Variants in OTOG observed in about 807,000 individuals in gnomAD.
OTOG encodes otogelin.
OTOG carries 296 observed loss-of-function variants against 313.8 expected under a neutral mutation model. That is an observed-to-expected ratio of 0.94 (90% CI 0.86 to 1.04). The LOEUF is 1.04. Among genes scored for constraint, OTOG ranks in the 50% least tolerant of loss-of-function variants. The probability of loss-of-function intolerance (pLI) is 0.00; values close to 1 mark genes in which losing one functional copy is unlikely to be tolerated. For missense variants in OTOG, 3,948 were observed against 3,840.1 expected, an observed-to-expected ratio of 1.03 and a Z score of -0.74; for synonymous variants, 1,533 against 1,554.9, an observed-to-expected ratio of 0.99 and a Z score of 0.33.
intron 24 of OTOG, among the ~76,000 whole-genome samples, chr11:17,586,833 C>G (rs1471892106): frequency 6.6e-6 from 1 of 152,112 alleles, no homozygotes; most frequent in South Asian, 2.1e-4. Context: ...TATTTGTAAC[C>G]ATGGCAATTT....
intron 42 of OTOG, among the ~76,000 whole-genome samples, 193 bp downstream of exon 42, chr11:17,632,419 TACATTTTATACTAATGAAC>T: frequency 6.6e-6 from 1 of 152,228 alleles, no homozygotes; most frequent in East Asian, 1.9e-4. Context: ...TATATAAAAG[TACATTTTATACTAATGAAC>T]ACATTTATTA....
chr11:17,590,714 C>T (rs1326005293), intron 24 of OTOG, among the ~76,000 whole-genome samples: 1 of 152,194 alleles, frequency 6.6e-6, no homozygotes, highest in Non-Finnish European at 1.5e-5. Flanking sequence ...GTCCGTCGCC[C>T]CTCTGAATTC....
At chr11:17,608,633 T>C (rs1019746307) in intron 34 of OTOG, among the ~76,000 whole-genome samples, 3 of 152,264 alleles carry the variant, frequency 2.0e-5, no homozygotes, top group Admixed American at 2.0e-4. Context: ...TTTGTGCGTG[T>C]ACTACTACAA....
At chr11:17,614,136 A>T (rs1447969328) in intron 39 of OTOG, among the ~76,000 whole-genome samples, 2 of 152,160 alleles carry the variant, frequency 1.3e-5, no homozygotes, top group Non-Finnish European at 2.9e-5. Flanking sequence ...AGGCCGGGGT[A>T]TCCAACAACA....
At chr11:17,634,004 T>C in intron 43 of OTOG, 65 bp from the exon 44 acceptor site, 2 of 1,500,920 alleles carry the variant, frequency 1.3e-6, no homozygotes, top group Admixed American at 2.0e-5. Context: ...CCAGGGAGAG[T>C]CTAGCCTGGG....
intron 47 of OTOG, among the ~76,000 whole-genome samples, chr11:17,637,764 A>T (rs1386160961): frequency 2.0e-5 from 3 of 152,192 alleles, no homozygotes; most frequent in Non-Finnish European, 4.4e-5. Context: ...CACCATAAAA[A>T]TGCCCTCCCT....
At chr11:17,619,896 C>T (rs904469520) in intron 39 of OTOG, among the ~76,000 whole-genome samples, 3 of 151,996 alleles carry the variant, frequency 2.0e-5, no homozygotes, top group Admixed American at 6.6e-5. Context: ...TTCTTCTGCT[C>T]GAAAGACTTC....
At chr11:17,640,629 C>A in intron 49 of OTOG, 116 bp from the exon 50 acceptor site, 1 of 1,131,372 alleles carries the variant, frequency 8.8e-7, no homozygotes, top group Non-Finnish European at 1.2e-6. Context: ...CCTGCCAGCC[C>A]CCCTCCTGCC....
At chr11:17,549,085 G>A (rs1851876009) in intron 3 of OTOG, among the ~76,000 whole-genome samples, 1 of 152,168 alleles carries the variant, frequency 6.6e-6, no homozygotes, top group Admixed American at 6.5e-5. Flanking sequence ...TGGGAGAGGT[G>A]GCAGTTTTGT....
At chr11:17,581,707 A>T (rs1321044817) in intron 23 of OTOG, among the ~76,000 whole-genome samples, 1 of 152,084 alleles carries the variant, frequency 6.6e-6, no homozygotes, top group East Asian at 1.9e-4. Flanking sequence ...CTTGTAACCC[A>T]CACTCCTGTG....
intron 45 of OTOG, 62 bp from the exon 46 acceptor site, chr11:17,635,018 A>G (rs1424060436): frequency 6.5e-7 from 1 of 1,530,526 alleles, no homozygotes; most frequent in Non-Finnish European, 8.8e-7. Flanking sequence ...CTCTGGGGGC[A>G]GGGGCCCAGG....
At chr11:17,591,317 A>C in intron 24 of OTOG, 133 bp from the exon 25 acceptor site, 2 of 1,230,754 alleles carry the variant, frequency 1.6e-6, no homozygotes, top group Non-Finnish European at 2.2e-6. Flanking sequence ...GGCTCCTGTT[A>C]GAGGTTGGTG....
chr11:17,641,939 C>G lies in OTOG; in HGVS notation c.8283C>G (p.Thr2761=), dbSNP rs1414038043. ...SCLFTFPNGT[T]SLFLPGASWI... ...TCTTCACCTTCCCCAATGGCACCACCTCCCTGTTCTTGGTAAGCAGCCCCC... is the reference window on the plus strand; with the variant it reads ...TCTTCACCTTCCCCAATGGCACCACGTCCCTGTTCTTGGTAAGCAGCCCCC... The change falls in exon 52 of 56, where the codon ACC becomes ACG. Residue 2761 remains threonine, a synonymous_variant. Coordinates refer to ENST00000399397, the MANE Select transcript of OTOG (RefSeq NM_001292063.2). 7 of 1,550,294 alleles carry G rather than the reference C, an allele frequency of 4.5e-6. No homozygotes were observed. The highest frequency in any genetic ancestry group is 5.2e-6 in the Non-Finnish European group (6 of 1,146,826).
intron 28 of OTOG, among the ~76,000 whole-genome samples, chr11:17,594,556 T>G (rs753234930): frequency 6.6e-6 from 1 of 151,952 alleles, no homozygotes; most frequent in Non-Finnish European, 1.5e-5. Flanking sequence ...CTGAAGGAGA[T>G]GAGAGTGGTG....
intron 39 of OTOG, among the ~76,000 whole-genome samples, chr11:17,623,435 A>G (rs191613615): frequency 2.0e-5 from 3 of 152,264 alleles, no homozygotes; most frequent in Admixed American, 2.0e-4. Flanking sequence ...GCTAAGGATA[A>G]TGGCCTCCAT....
chr11:17,573,013 C>A, intron 18 of OTOG, 65 bp from the exon 19 acceptor site: 1 of 1,402,348 alleles, frequency 7.1e-7, no homozygotes, highest in Non-Finnish European at 9.7e-7. Context: ...GGGAGAGAGG[C>A]TGATCCTGGG....
intron 39 of OTOG, 42 bp downstream of exon 39, chr11:17,613,743 T>G (rs1342195822): frequency 6.6e-7 from 1 of 1,511,554 alleles, no homozygotes; most frequent in Admixed American, 2.0e-5. Flanking sequence ...AGGGCCACAG[T>G]CAGCTGAGGG....
At chr11:17,560,897 T>A in intron 13 of OTOG, 80 bp downstream of exon 13, 1 of 1,314,012 alleles carries the variant, frequency 7.6e-7, no homozygotes, top group Non-Finnish European at 1.1e-6. Flanking sequence ...CTGGGAGCAC[T>A]AATGGCTGGC....
intron 44 of OTOG, 73 bp downstream of exon 44, chr11:17,634,354 C>T (rs1353910144): frequency 2.8e-6 from 4 of 1,442,618 alleles, no homozygotes; most frequent in Non-Finnish European, 3.8e-6. Context: ...GCACACCAAC[C>T]CTGATGGATA....
Sources: gnomAD v4.1 joint callset for allele counts (sites outside exome capture counted in the v4.1 genomes callset) on GRCh38, gnomAD v4.1.1 for gene constraint, MANE v1.5 for transcripts, NCBI Gene and HGNC (gene_info 2026-07-23, HGNC 2026-07-21) for gene names.